Variants in TSPAN1 observed in about 807,000 individuals in gnomAD.
The protein encoded by TSPAN1 is tetraspanin-1.
TSPAN1 carries 23 observed loss-of-function variants against 26.9 expected under a neutral mutation model. The ratio of observed to expected loss-of-function variants is 0.85; its 90% CI spans 0.62 to 1.21. The LOEUF (loss-of-function observed/expected upper bound fraction) is 1.21. Ranked by LOEUF, TSPAN1 falls within the 50% of genes most tolerant of loss-of-function variation. TSPAN1 has a pLI of 0.00. For missense variants in TSPAN1, 283 were observed against 298.4 expected (o/e 0.95, Z 0.38); for synonymous variants, 115 against 114.8 (o/e 1.00, Z -0.01).
chr1:46,181,506 C>T (rs1657315140), intron 3 of TSPAN1, among the ~76,000 whole-genome samples: 1 of 152,202 alleles, frequency 6.6e-6, no homozygotes, highest in African/African-American at 2.4e-5. Context: ...AATAGAAGGG[C>T]TCCACCCAAG....
intron 3 of TSPAN1, among the ~76,000 whole-genome samples, 199 bp downstream of exon 3, chr1:46,181,363 G>T (rs768958526): frequency 6.6e-6 from 1 of 152,146 alleles, no homozygotes; most frequent in Non-Finnish European, 1.5e-5. Context: ...ATACAGGTGC[G>T]TGTGTGAAAA....
downstream of TSPAN1, chr1:46,189,347 GC>G (rs1553162601): frequency 1.9e-6 from 3 of 1,613,874 alleles, no homozygotes; most frequent in Non-Finnish European, 2.5e-6. Context: ...ACTGAGGGTG[GC>G]TTCTTCACTC....
the TSPAN1 span, chr1:46,192,956 C>A: frequency 6.2e-7 from 1 of 1,614,176 alleles, no homozygotes; most frequent in Non-Finnish European, 8.5e-7. Context: ...CAAACTTGGC[C>A]TCCTAGAAGG....
the TSPAN1 span, chr1:46,195,665 T>A: frequency 2.5e-6 from 2 of 789,598 alleles, no homozygotes; most frequent in African/African-American, 3.4e-5. Flanking sequence ...GCTGAATTAA[T>A]ACAAATGTTA....
chr1:46,176,451 G>A (rs1194605500), intron 1 of TSPAN1: 1 of 1,535,748 alleles, frequency 6.5e-7, no homozygotes, highest in East Asian at 2.4e-5. Context: ...GAGGGCCACG[G>A]ACAAGCCGAG....
the TSPAN1 span, chr1:46,192,587 G>A: frequency 6.2e-7 from 1 of 1,614,004 alleles, no homozygotes; most frequent in Admixed American, 1.7e-5. Context: ...ATTGGCTCAG[G>A]AAACTGAGAG....
the TSPAN1 span, chr1:46,195,028 C>T: frequency 2.9e-5 from 41 of 1,415,272 alleles, no homozygotes; most frequent in Admixed American, 4.2e-4. Context: ...TCACAGAGCA[C>T]GAACTATGTA....
intron 4 of TSPAN1, 93 bp from the exon 5 acceptor site, chr1:46,184,501 G>C (rs1160717138): frequency 6.2e-7 from 1 of 1,604,694 alleles, no homozygotes; most frequent in African/African-American, 1.3e-5. Flanking sequence ...CTAGGCTCAG[G>C]CTTCTGTCTC....
chr1:46,181,146 C>T lies in TSPAN1; in HGVS notation c.39C>T (p.Leu13=). ...CFSFIKTMMI[L]FNLLIFLCGA... is the part of the protein sequence containing the mutation. ...GCTTCATTAAGACCATGATGATCCT[C>T]TTCAATTTGCTCATCTTTGTAAGTA... The change falls in exon 3 of 9, where the codon CTC becomes CTT. Residue 13 remains leucine (L), a synonymous_variant. Coordinates refer to ENST00000372003, the MANE Select transcript of TSPAN1 (RefSeq NM_005727.4). 1 of 1,613,750 alleles carries T rather than the reference C, an allele frequency of 6.2e-7. No individual in the cohort carries two copies. The highest frequency in any genetic ancestry group is 8.5e-7 in the Non-Finnish European group (1 of 1,179,802).
At chr1:46,194,931 C>T in the TSPAN1 span, 1 of 1,614,048 alleles carries the variant, frequency 6.2e-7, no homozygotes, top group Non-Finnish European at 8.5e-7. Context: ...AGAGCCTTGG[C>T]TGTGTCCTTG....
At chr1:46,195,725 A>G in the TSPAN1 span, 6 of 1,169,024 alleles carry the variant, frequency 5.1e-6, no homozygotes, top group East Asian at 7.7e-5. Flanking sequence ...TCTTCCCACT[A>G]TGTTATATGA....
At chr1:46,189,716 G>A (rs1657600615), downstream of TSPAN1, 6 of 1,546,008 alleles carry the variant, frequency 3.9e-6, no homozygotes, top group Middle Eastern at 4.2e-4. Flanking sequence ...TTTGGACAAG[G>A]AGGTTGGAAG....
intron 3 of TSPAN1, among the ~76,000 whole-genome samples, chr1:46,181,376 G>C (rs1657312204): frequency 1.3e-5 from 2 of 152,182 alleles, no homozygotes; most frequent in African/African-American, 4.8e-5. Flanking sequence ...TGTGAAAAAG[G>C]GGATGGAGAA....
chr1:46,184,116 CCTT>C, intron 3 of TSPAN1, 72 bp from the exon 4 acceptor site: 1 of 1,502,272 alleles, frequency 6.7e-7, no homozygotes, highest in South Asian at 1.1e-5. Flanking sequence ...CGGCTCCCAT[CCTT>C]CTTACTCAGC....
At chr1:46,184,517 T>TC (rs1657382169) in intron 4 of TSPAN1, 77 bp from the exon 5 acceptor site, 2 of 1,593,560 alleles carry the variant, frequency 1.3e-6, no homozygotes, top group South Asian at 1.1e-5. Context: ...GTCTCACTTT[T>TC]CCGGGGGGGG....
At position 46,180,961 on chromosome 1, in the gene TSPAN1, C is replaced by T. The variant is rs1571636634; in HGVS notation, c.-8-139C>T. The T allele has an allele frequency of 4.3e-6, 3 of 691,404 alleles. No homozygotes were observed. In the East Asian group the frequency reaches 8.1e-5, roughly 19 times the overall value. 42.8% of individuals were successfully genotyped at this position (691,404 alleles called of 1,614,324 possible). A position where few individuals can be genotyped will look rare whatever the true frequency, so the allele number is the denominator to read the frequency against. On this transcript the variant is annotated intron_variant, in intron 2 of 8. Coordinates refer to ENST00000372003, the MANE Select transcript of TSPAN1 (RefSeq NM_005727.4). ...AAACTGGGAAAAGGTCTGTGTCAGA[C>T]CAGGTACAGGAGAAGCTTGGTGAGA...
chr1:46,195,674 T>C, the TSPAN1 span: 1 of 823,016 alleles, frequency 1.2e-6, no homozygotes, highest in African/African-American at 1.7e-5. Context: ...ATACAAATGT[T>C]AAGGCTGAGA....
At chr1:46,187,713 C>T (rs1172846419), downstream of TSPAN1, among the ~76,000 whole-genome samples, 2 of 152,188 alleles carry the variant, frequency 1.3e-5, no homozygotes, top group Admixed American at 1.3e-4. Context: ...GGGCCTCTAC[C>T]TCATCATGGG....
Position 46,185,620 on chromosome 1 carries a change from A to G in TSPAN1, c.*87A>G. ...AGCAGCAGTGATTGGGGGAGGGGAC[A>G]GGATCTAACAATGTCACTTGGGCCA... On this transcript the variant is annotated 3_prime_UTR_variant, in exon 9 of 9. Transcript: ENST00000372003. The G allele has an allele frequency of 6.8e-7, 1 of 1,467,102 alleles. No individual in the cohort carries two copies. The highest frequency in any genetic ancestry group is 9.5e-7 in the Non-Finnish European group (1 of 1,056,428). 90.9% of individuals were successfully genotyped at this position (1,467,102 alleles called of 1,614,324 possible). A position where few individuals can be genotyped will look rare whatever the true frequency, so the allele number is the denominator to read the frequency against.
Sources: gnomAD v4.1 joint callset for allele counts (sites outside exome capture counted in the v4.1 genomes callset) on GRCh38, gnomAD v4.1.1 for gene constraint, MANE v1.5 for transcripts, NCBI Gene and HGNC (gene_info 2026-07-23, HGNC 2026-07-21) for gene names.